The following KCNIP4 variants were observed in gnomAD, a reference collection of about 807,000 sequenced individuals.
The protein encoded by KCNIP4 is Kv channel-interacting protein 4.
Under a neutral mutation model 34.0 loss-of-function variants are expected in KCNIP4, and 12 were observed. The observed-to-expected ratio is 0.35, with a 90% confidence interval of 0.23 to 0.57. KCNIP4 has a LOEUF of 0.57. KCNIP4 is among the 20% of genes least tolerant of loss of function. KCNIP4 has a pLI of 0.83. For missense variants in KCNIP4, 238 were observed against 311.7 expected, an observed-to-expected ratio of 0.76 and a Z score of 1.78; for synonymous variants, 124 against 102.2, an observed-to-expected ratio of 1.21 and a Z score of -1.29.
chr4:20,910,283 A>ATGTG (rs35143714), intron 1 of KCNIP4, among the ~76,000 whole-genome samples: 10 of 149,812 alleles, frequency 6.7e-5, no homozygotes, highest in African/African-American at 1.7e-4. Context: ...GTGTGTCTGT[A>ATGTG]TGTGTGTGTG....
At chr4:21,500,646 GGT>G (rs1733241455) in intron 1 of KCNIP4, among the ~76,000 whole-genome samples, 2 of 152,084 alleles carry the variant, frequency 1.3e-5, no homozygotes, top group Admixed American at 1.3e-4. Context: ...GGAAATGAAG[GGT>G]ACATTAGTGT....
intron 1 of KCNIP4, among the ~76,000 whole-genome samples, chr4:21,073,263 T>C (rs1405716365): frequency 6.6e-6 from 1 of 152,210 alleles, no homozygotes; most frequent in Non-Finnish European, 1.5e-5. Context: ...TGATATTGAT[T>C]CTTCCTACCC....
intron 1 of KCNIP4, among the ~76,000 whole-genome samples, chr4:21,553,616 G>A (rs767668839): frequency 6.6e-6 from 1 of 151,836 alleles, no homozygotes; most frequent in Non-Finnish European, 1.5e-5. Context: ...TGTGATCACA[G>A]GAGATGTCAC....
intron 3 of KCNIP4, among the ~76,000 whole-genome samples, chr4:20,801,362 A>G (rs886131016): frequency 6.6e-6 from 1 of 152,030 alleles, no homozygotes; most frequent in East Asian, 1.9e-4. Context: ...AAAACTCACT[A>G]GTGGAAGAAA....
chr4:20,738,251 T>C (rs1750183085), intron 5 of KCNIP4, among the ~76,000 whole-genome samples: 1 of 152,208 alleles, frequency 6.6e-6, no homozygotes, highest in African/African-American at 2.4e-5. Flanking sequence ...TTGATTGTTA[T>C]CAATGTAAAC....
chr4:21,798,681 A>C (rs1252229919), intron 1 of KCNIP4, among the ~76,000 whole-genome samples: 2 of 152,006 alleles, frequency 1.3e-5, no homozygotes, highest in Non-Finnish European at 2.9e-5. Flanking sequence ...GAGGTGATAT[A>C]GTTTGAAAGT....
chr4:20,797,031 A>C lies in KCNIP4; in HGVS notation c.289-38141T>G, dbSNP rs115293673. On this transcript the variant is annotated intron_variant, in intron 3 of 8. Transcript: ENST00000382152. ...CTAACTGACTCTGTGTTGTGTAATA[A>C]TATTTCCCTTCACCAACCTTTACAA... is the stretch of plus-strand genomic sequence containing the variant. Among the ~76,000 whole-genome samples the C allele has an allele frequency of 8.2e-3, 1,254 of 152,328 alleles. 17 individuals are homozygous for C. Among genetic ancestry groups the C allele is most frequent in the African/African-American group, 0.029 (1,201 of 41,574 alleles).
chr4:21,241,439 A>G (rs77490121), intron 1 of KCNIP4, among the ~76,000 whole-genome samples: 2,205 of 152,230 alleles, frequency 0.014, 50 homozygotes, highest in African/African-American at 0.049. Context: ...TGACATTCAC[A>G]GAGGGGTTAG....
intron 1 of KCNIP4, among the ~76,000 whole-genome samples, chr4:21,065,629 G>C (rs577726189): frequency 1.3e-5 from 2 of 149,670 alleles, no homozygotes; most frequent in Non-Finnish European, 3.0e-5. Flanking sequence ...AATATTGTGG[G>C]AATATAAACT....
intron 3 of KCNIP4, among the ~76,000 whole-genome samples, chr4:20,782,138 G>A (rs551770059): frequency 5.1e-4 from 78 of 152,292 alleles, no homozygotes; most frequent in African/African-American, 1.8e-3. Context: ...GATGCAAGAG[G>A]TGGGTTTCCA....
At chr4:21,174,742 T>TA (rs200552874) in intron 1 of KCNIP4, among the ~76,000 whole-genome samples, 3,393 of 151,876 alleles carry the variant, frequency 0.022, 144 homozygotes, top group African/African-American at 0.077. Context: ...TCATTTCTAC[T>TA]AAAAATACAA....
intron 2 of KCNIP4, among the ~76,000 whole-genome samples, chr4:20,860,752 G>A (rs1024445586): frequency 4.7e-4 from 71 of 152,098 alleles, no homozygotes; most frequent in Non-Finnish European, 7.9e-4. Context: ...TGGTCCAGTG[G>A]TGGATATTGG....
rs867697844 is a variant in KCNIP4 at position 21,310,386 on chromosome 4, A to T, written c.62-427677T>A. 3.9e-5 allele frequency among the ~76,000 whole-genome samples: 6 copies of T among 152,088 alleles called. No homozygotes were observed. In the South Asian group the frequency reaches 1.2e-3, roughly 32 times the overall value. On this transcript the variant is annotated intron_variant, in intron 1 of 8. Coordinates refer to ENST00000382152, the MANE Select transcript of KCNIP4 (RefSeq NM_025221.6). ...GAAAGAACAGTCAAAGCCCATCTCA[A>T]ATCACTTGCCCAGGTGCTCCTGGAA...
chr4:21,244,431 G>A lies in KCNIP4; in HGVS notation c.62-361722C>T, dbSNP rs562439932. The stretch of plus-strand genomic sequence containing the variant: ...ATTGTTGCATTTCAGATAGACAAAT[G>A]TTTACTATCCATGATGCTATATTAC... On this transcript the variant is annotated intron_variant, in intron 1 of 8. Coordinates refer to ENST00000382152, the MANE Select transcript of KCNIP4 (RefSeq NM_025221.6). Among the ~76,000 whole-genome samples the A allele has an allele frequency of 2.6e-5, 4 of 152,270 alleles. No individual in the cohort carries two copies. The South Asian group carries it at 6.2e-4, about 24-fold the overall frequency.
At chr4:21,194,708 G>A (rs914618228) in intron 1 of KCNIP4, among the ~76,000 whole-genome samples, 1 of 152,146 alleles carries the variant, frequency 6.6e-6, no homozygotes, top group Non-Finnish European at 1.5e-5. Flanking sequence ...CTTCTCTGCA[G>A]CTTGATTATC....
chr4:21,394,437 G>A (rs1722810778), intron 1 of KCNIP4, among the ~76,000 whole-genome samples: 1 of 152,106 alleles, frequency 6.6e-6, no homozygotes, highest in South Asian at 2.1e-4. Flanking sequence ...CCTGGTTTCA[G>A]TGATTAATTC....
At chr4:21,504,532 C>G (rs1733671364) in intron 1 of KCNIP4, among the ~76,000 whole-genome samples, 1 of 145,548 alleles carries the variant, frequency 6.9e-6, no homozygotes, top group African/African-American at 2.6e-5. Flanking sequence ...AGCAAGCAAG[C>G]AAGCAAAGCA....
chr4:21,740,792 T>C (rs1371210242), intron 1 of KCNIP4, among the ~76,000 whole-genome samples: 1 of 152,190 alleles, frequency 6.6e-6, no homozygotes, highest in African/African-American at 2.4e-5. Context: ...CAATAAATGC[T>C]ACATAGCTAC....
Position 21,139,932 on chromosome 4 carries a change from CCA to C in KCNIP4, c.62-257225_62-257224del, listed in dbSNP as rs138844851. ...CGTTTAATGATCAGTCTTTTTAACCCCAGAGTCCACATTCTTTCTAACATACT... is the reference window on the plus strand; with the variant it reads ...CGTTTAATGATCAGTCTTTTTAACCCGAGTCCACATTCTTTCTAACATACT... On this transcript the variant is annotated intron_variant, in intron 1 of 8. Transcript: ENST00000382152. 8.1e-3 allele frequency among the ~76,000 whole-genome samples: 1,228 copies of C among 152,116 alleles called. 17 individuals are homozygous for C. Among genetic ancestry groups the C allele is most frequent in the African/African-American group, 0.028 (1,166 of 41,478 alleles).
Sources: allele counts gnomAD v4.1 joint callset (sites outside exome capture counted in the v4.1 genomes callset), GRCh38; gene constraint gnomAD v4.1.1; transcripts MANE v1.5; gene names NCBI Gene and HGNC (gene_info 2026-07-23, HGNC 2026-07-21).